TTLL4: variants seen among roughly 807,000 people sequenced by gnomAD.
TTLL4 encodes tubulin tyrosine ligase like 4.
In TTLL4, 85 loss-of-function variants were observed where a neutral mutation model predicts 122.7. That is an observed-to-expected ratio of 0.69 (90% confidence interval 0.58 to 0.83). The LOEUF is 0.83. Among genes scored for constraint, TTLL4 ranks in the 40% least tolerant of loss-of-function variants. The pLI, the probability that TTLL4 is intolerant of heterozygous loss-of-function variation, is 0.00. For missense variants in TTLL4, 1,363 were observed against 1,488.6 expected (o/e 0.92, Z 1.39); for synonymous variants, 553 against 563.0 (o/e 0.98, Z 0.25).
In TTLL4 at chr2:218,752,747, G is replaced by A; in HGVS notation, c.2977-16G>A. 1.2e-6 allele frequency: 2 copies of A among 1,613,932 alleles called. No homozygotes were observed. Among genetic ancestry groups the A allele is most frequent in the Non-Finnish European group, 1.7e-6 (2 of 1,179,884 alleles). The stretch of plus-strand genomic sequence containing the variant: ...ACTCTCTCACACCCTTTTTCTCCCT[G>A]TTCCTTGGACCACAGGACTTCTATG... On this transcript the variant is annotated splice_polypyrimidine_tract_variant and intron_variant, in intron 16 of 19. Coordinates refer to ENST00000392102, the MANE Select transcript of TTLL4 (RefSeq NM_014640.5).
chr2:218,723,883 C>G (rs1575161551), intron 1 of TTLL4, among the ~76,000 whole-genome samples: 1 of 152,200 alleles, frequency 6.6e-6, no homozygotes, highest in African/African-American at 2.4e-5. Context: ...AGATAAAGGA[C>G]ATTGATGGGA....
chr2:218,748,316 G>C (rs1942905236), intron 12 of TTLL4, 89 bp downstream of exon 12: 1 of 1,546,404 alleles, frequency 6.5e-7, no homozygotes. Flanking sequence ...ATGGCGAGTG[G>C]AGGATTAATA....
At chr2:218,741,565 G>A (rs1464076437) in intron 5 of TTLL4, among the ~76,000 whole-genome samples, 1 of 152,192 alleles carries the variant, frequency 6.6e-6, no homozygotes, top group Non-Finnish European at 1.5e-5. Flanking sequence ...TGTTTGGAAA[G>A]TGGGAGCGAG....
chr2:218,721,193 A>G (rs1001518503), intron 1 of TTLL4, among the ~76,000 whole-genome samples: 10 of 152,054 alleles, frequency 6.6e-5, no homozygotes, highest in Non-Finnish European at 1.3e-4. Flanking sequence ...TAACAAATTG[A>G]TCAAACCCCA....
chr2:218,734,726 G>A lies in TTLL4; in HGVS notation c.-98-2853G>A, dbSNP rs1434567502. ...CTCCTACCACTTTGGTATGTCTGTT[G>A]TGTTGCATTGGTGGGGAAAATGTGG... On this transcript the variant is annotated intron_variant, in intron 2 of 19. Transcript: ENST00000392102. Among the ~76,000 whole-genome samples the A allele has an allele frequency of 2.0e-5, 3 of 152,182 alleles. 1 individual carries two copies. Among genetic ancestry groups the A allele is most frequent in the Admixed American group, 1.3e-4 (2 of 15,278 alleles).
chr2:218,733,022 G>C (rs1285984463), intron 2 of TTLL4, among the ~76,000 whole-genome samples: 1 of 152,140 alleles, frequency 6.6e-6, no homozygotes, highest in Non-Finnish European at 1.5e-5. Context: ...CAACAAATTT[G>C]TCTTTGCTTG....
At position 218,738,456 on chromosome 2, in the gene TTLL4, CTG is replaced by C. The variant is rs1942599023; in HGVS notation, c.783_784del (p.Ala262ThrfsTer5). 4.3e-6 allele frequency: 7 copies of C among 1,614,236 alleles called. No homozygotes were observed. The highest frequency in any genetic ancestry group is 1.3e-5 in the African/African-American group (1 of 75,054). On this transcript the variant is annotated frameshift_variant, in exon 3 of 20. Coordinates refer to ENST00000392102, the MANE Select transcript of TTLL4 (RefSeq NM_014640.5). LOFTEE classifies it high-confidence loss of function. The stretch of plus-strand genomic sequence containing the variant: ...GGCATCATTCAGGGGGTACTGGAGA[CTG>C]TGCACCGCAGCCTGTTGACCATAAG... ...SWHHSGGTGD[C>X]APQPVDHKVP...
rs1256444730 is a variant in TTLL4, at chr2:218,715,489, A to G, written c.-178+4452A>G. Among the ~76,000 whole-genome samples, 3 of 152,210 alleles carry G rather than the reference A, an allele frequency of 2.0e-5. No homozygotes were observed. In the South Asian group the frequency reaches 6.2e-4, roughly 32 times the overall value. ...TACAGTCATGCTACACAGTCATGGT[A>G]TAGCCTATTGCTCCTAGGCTGCAAA... On this transcript the variant is annotated intron_variant, in intron 1 of 19. Coordinates refer to ENST00000392102, the MANE Select transcript of TTLL4 (RefSeq NM_014640.5).
Position 218,748,935 on chromosome 2 carries a change from G to T in TTLL4, c.2600+1G>T. 2 of 1,613,970 alleles carry T rather than the reference G, an allele frequency of 1.2e-6. No homozygotes were observed. Among genetic ancestry groups the T allele is most frequent in the Non-Finnish European group, 1.7e-6 (2 of 1,179,916 alleles). On this transcript the variant is annotated splice_donor_variant, in intron 13 of 19. Coordinates refer to ENST00000392102, the MANE Select transcript of TTLL4 (RefSeq NM_014640.5). LOFTEE classifies it high-confidence loss of function. ...ATGTTGTTGTCAAAACTATCATCTC[G>T]TGAGTCACATTGCCAACCTGGATGT...
chr2:218,739,986 G>A, intron 3 of TTLL4, 72 bp from the exon 4 acceptor site: 1 of 1,385,086 alleles, frequency 7.2e-7, no homozygotes, highest in Non-Finnish European at 1.0e-6. Flanking sequence ...GGGAGATGAT[G>A]AAGGAATGAG....
chr2:218,724,065 C>T (rs963608108), intron 1 of TTLL4, among the ~76,000 whole-genome samples: 1 of 152,052 alleles, frequency 6.6e-6, no homozygotes. Flanking sequence ...AACTTATGCT[C>T]AAACATTTCA....
chr2:218,738,212 C>T lies in TTLL4; in HGVS notation c.536C>T (p.Thr179Ile), dbSNP rs753431460. 1.2e-6 allele frequency: 2 copies of T among 1,614,156 alleles called. No homozygotes were observed. The highest frequency in any genetic ancestry group is 2.2e-5 in the South Asian group (2 of 91,086). Residue 179 changes from threonine to isoleucine, a missense_variant, in exon 3 of 20, where the codon ACA becomes ATA. This residue lies in a region of TTLL4 where 760 missense variants were observed against 808.4 expected (regional missense o/e 0.94). Coordinates refer to ENST00000392102, the MANE Select transcript of TTLL4 (RefSeq NM_014640.5). ...SMAQPMASSS[T>I]EPYLCLAAAG... ...GCCCAGCCCATGGCCTCCTCATCCA[C>T]AGAACCATACCTCTGCTTGGCAGCG... is the stretch of plus-strand genomic sequence containing the variant.
rs137936408 is a variant in TTLL4 at position 218,738,979 on chromosome 2, C to G, written c.1303C>G (p.Pro435Ala). Residue 435 changes from proline (P) to alanine (A), a missense_variant, in exon 3 of 20, where the codon CCT (proline) becomes GCT (alanine). Pro to Ala is a conservative substitution (Grantham distance 27, BLOSUM62 -1). This residue lies in a region of TTLL4 where 760 missense variants were observed against 808.4 expected (regional missense o/e 0.94). Transcript: ENST00000392102. ...ACATGCCAGTGGGCTCAATCACAAC[C>G]CTGCCTGTGAATCTGTAATTGACTC... is the stretch of plus-strand genomic sequence containing the variant. ...ASHASGLNHN[P>A]ACESVIDSSA... The G allele has an allele frequency of 6.2e-7, 1 of 1,614,206 alleles. No individual in the cohort carries two copies. The highest frequency in any genetic ancestry group is 1.7e-5 in the Admixed American group (1 of 60,032).
At position 218,739,182 on chromosome 2, in the gene TTLL4, T is replaced by C. The variant is rs1942630239; in HGVS notation, c.1487+19T>C. On this transcript the variant is annotated intron_variant, in intron 3 of 19. Coordinates refer to ENST00000392102, the MANE Select transcript of TTLL4 (RefSeq NM_014640.5). The stretch of plus-strand genomic sequence containing the variant: ...ATATTAGGTATGTTGGCAATGTTTT[T>C]GGTTCATTTAGAGCAGTAGAATGTA... 2 of 1,600,982 alleles carry C rather than the reference T, an allele frequency of 1.2e-6. No homozygotes were observed. Among genetic ancestry groups the C allele is most frequent in the Non-Finnish European group, 1.7e-6 (2 of 1,176,108 alleles).
chr2:218,746,987 C>T lies in TTLL4; in HGVS notation c.1975-16C>T. 6.2e-7 allele frequency: 1 copy of T among 1,612,832 alleles called. No individual in the cohort carries two copies. Among genetic ancestry groups the T allele is most frequent in the Non-Finnish European group, 8.5e-7 (1 of 1,179,182 alleles). Reference sequence around the variant, plus strand: ...CCTCTGCCCTCTTCCTGCACTCACCCTTTTCCCTTTTGTAGCTAAACCATT... The same window carrying T: ...CCTCTGCCCTCTTCCTGCACTCACCTTTTTCCCTTTTGTAGCTAAACCATT... On this transcript the variant is annotated splice_polypyrimidine_tract_variant and intron_variant, in intron 8 of 19. Transcript: ENST00000392102.
intron 1 of TTLL4, among the ~76,000 whole-genome samples, chr2:218,720,579 C>T (rs1005808808): frequency 6.7e-6 from 1 of 150,010 alleles, no homozygotes; most frequent in African/African-American, 2.5e-5. Flanking sequence ...GAGGCTGAGG[C>T]GGGAGAATTG....
intron 6 of TTLL4, 40 bp from the exon 7 acceptor site, chr2:218,745,651 T>C: frequency 7.4e-7 from 1 of 1,359,818 alleles, no homozygotes; most frequent in Non-Finnish European, 1.0e-6. Flanking sequence ...TCTCTGCTCC[T>C]CTCCATCCCC....
At position 218,738,816 on chromosome 2, in the gene TTLL4, ACCT is replaced by A. The variant is rs765245672; in HGVS notation, c.1144_1146del (p.Pro382del). The A allele has an allele frequency of 3.1e-6, 5 of 1,613,790 alleles. No individual in the cohort carries two copies. Among genetic ancestry groups the A allele is most frequent in the Admixed American group, 1.7e-5 (1 of 59,960 alleles). On this transcript the variant is annotated inframe_deletion, in exon 3 of 20. Coordinates refer to ENST00000392102, the MANE Select transcript of TTLL4 (RefSeq NM_014640.5). Reference sequence around the variant, plus strand: ...TCCTCAACAGGAGCAGGCGGTGGAAACCTCCTGCGGTAAATCAGCAGTTTCCTC... The same window carrying A: ...TCCTCAACAGGAGCAGGCGGTGGAAACCTGCGGTAAATCAGCAGTTTCCTC...
At chr2:218,742,542 G>A (rs1445158465) in intron 5 of TTLL4, among the ~76,000 whole-genome samples, 3 of 152,190 alleles carry the variant, frequency 2.0e-5, no homozygotes, top group Admixed American at 6.5e-5. Context: ...GAGGACCAGA[G>A]AAGTGAAGCA....
Sources: gnomAD v4.1 joint callset for allele counts (sites outside exome capture counted in the v4.1 genomes callset) on GRCh38, gnomAD v4.1.1 for gene constraint, gnomAD v4.1.1 regional missense constraint, MANE v1.5 for transcripts, NCBI Gene and HGNC (gene_info 2026-07-23, HGNC 2026-07-21) for gene names.